The following SLC7A9 variants were observed in gnomAD, a reference collection of about 807,000 sequenced individuals.
The protein encoded by SLC7A9 is solute carrier family 7 member 9, also known as B(0,+)-type amino acid transporter 1.
SLC7A9 carries 38 observed loss-of-function variants against 54.1 expected under a neutral mutation model. The observed-to-expected ratio is 0.70, with a 90% confidence interval of 0.54 to 0.92. The LOEUF (loss-of-function observed/expected upper bound fraction) is 0.92, where lower values mean the gene tolerates loss of function less well. Among genes scored for constraint, SLC7A9 ranks in the 40% least tolerant of loss-of-function variants. The pLI, the probability that SLC7A9 is intolerant of heterozygous loss-of-function variation, is 0.00. For missense variants in SLC7A9, 537 were observed against 636.1 expected (o/e 0.84, Z 1.68); for synonymous variants, 264 against 258.9 (o/e 1.02, Z -0.19).
chr19:32,844,550 G>A (rs1424475211), intron 9 of SLC7A9, among the ~76,000 whole-genome samples: 5 of 151,962 alleles, frequency 3.3e-5, no homozygotes, highest in African/African-American at 4.8e-5. Context: ...TAAAAATTTC[G>A]GCCAGGCACA....
intron 11 of SLC7A9, among the ~76,000 whole-genome samples, chr19:32,840,937 T>C (rs1429350519): frequency 1.3e-5 from 2 of 152,206 alleles, no homozygotes; most frequent in Non-Finnish European, 2.9e-5. Context: ...CTGAAGTGTT[T>C]TCCTTTGGTA....
At chr19:32,837,428 C>T (rs759795010) in intron 11 of SLC7A9, among the ~76,000 whole-genome samples, 10 of 137,180 alleles carry the variant, frequency 7.3e-5, no homozygotes, top group South Asian at 2.3e-4. Context: ...CTGGGAGGCA[C>T]GGTTGCAGTG....
intron 9 of SLC7A9, among the ~76,000 whole-genome samples, chr19:32,855,241 C>A (rs1483814099): frequency 6.6e-6 from 1 of 152,048 alleles, no homozygotes. Context: ...ATTATGGAGT[C>A]CTAATTAGGG....
At chr19:32,869,053 CA>C (rs5827824) in intron 1 of SLC7A9, among the ~76,000 whole-genome samples, 25,107 of 108,646 alleles carry the variant, frequency 0.23, 2,472 homozygotes, top group East Asian at 0.51. Flanking sequence ...ACTAAAAATG[CA>C]AAAAAAAAAA....
chr19:32,863,981 C>T lies in SLC7A9; in HGVS notation c.478+115G>A. The T allele has an allele frequency of 5.2e-6, 8 of 1,540,074 alleles. 1 individual carries two copies. In the South Asian group the frequency reaches 6.8e-5, roughly 13 times the overall value. ...CCACAGGTACTGCAAAGGCTGATGC[C>T]AGGCCCTGCCTGGGCTCTCACCAGA... On this transcript the variant is annotated intron_variant, in intron 4 of 12. Transcript: ENST00000023064.
intron 2 of SLC7A9, among the ~76,000 whole-genome samples, chr19:32,865,128 C>CA (rs1220223493): frequency 6.6e-6 from 1 of 152,110 alleles, no homozygotes; most frequent in African/African-American, 2.4e-5. Flanking sequence ...CCTGTGCCCT[C>CA]AATGAAAAGG....
chr19:32,845,774 G>A (rs906775738), intron 9 of SLC7A9, among the ~76,000 whole-genome samples: 18 of 152,208 alleles, frequency 1.2e-4, no homozygotes, highest in African/African-American at 3.4e-4. Flanking sequence ...TCGGGAGGCC[G>A]AGGCGGGTGG....
At chr19:32,858,991 G>A (rs181910695) in intron 8 of SLC7A9, among the ~76,000 whole-genome samples, 1,664 of 152,018 alleles carry the variant, frequency 0.011, 10 homozygotes, top group Non-Finnish European at 0.018. Flanking sequence ...ATTTCACCAC[G>A]TTGGCCAGGC....
In SLC7A9 at chr19:32,859,871, G is replaced by T; in HGVS notation, c.843C>A (p.Thr281=). Reference sequence around the variant, plus strand: ...CCACCGCCTGGGACTGCAGGAGTTCGGTGGCAGTCATCACGGTGAAGTAGG... The same window carrying T: ...CCACCGCCTGGGACTGCAGGAGTTCTGTGGCAGTCATCACGGTGAAGTAGG... The part of the protein sequence containing the change: ...NVSYFTVMTA[T]ELLQSQAVAV... The change falls in exon 8 of 13, where the codon ACC becomes ACA. Residue 281 remains threonine (T), a synonymous_variant. Transcript: ENST00000023064. 1.2e-6 allele frequency: 2 copies of T among 1,614,136 alleles called. No individual in the cohort carries two copies. The highest frequency in any genetic ancestry group is 1.1e-5 in the South Asian group (1 of 91,082).
At chr19:32,860,999 G>A (rs1160733713) in intron 6 of SLC7A9, among the ~76,000 whole-genome samples, 1 of 152,184 alleles carries the variant, frequency 6.6e-6, no homozygotes, top group African/African-American at 2.4e-5. Context: ...CAGGAGAGAA[G>A]GACCATCGTT....
At chr19:32,867,952 A>G (rs1969023203) in intron 2 of SLC7A9, among the ~76,000 whole-genome samples, 1 of 141,044 alleles carries the variant, frequency 7.1e-6, no homozygotes, top group African/African-American at 2.8e-5. Flanking sequence ...AAAAAAAAAA[A>G]AGAATATGCA....
intron 10 of SLC7A9, 46 bp from the exon 11 acceptor site, chr19:32,842,363 TGTTCTCATGTCAC>T: frequency 6.4e-7 from 1 of 1,571,620 alleles, no homozygotes; most frequent in Non-Finnish European, 8.7e-7. Context: ...TACAAAACAC[TGTTCTCATGTCAC>T]AGAAGACCGA....
Position 32,838,956 on chromosome 19 carries a change from T to C in SLC7A9, c.1224+3212A>G, listed in dbSNP as rs375847007. The stretch of plus-strand genomic sequence containing the variant: ...CATATAATACCCTTAGTTTCTTCTT[T>C]TTTTAGACATTGTGTATAATAAGCA... On this transcript the variant is annotated intron_variant, in intron 11 of 12. Transcript: ENST00000023064. Among the ~76,000 whole-genome samples, 5 of 152,030 alleles carry C rather than the reference T, an allele frequency of 3.3e-5. No individual in the cohort carries two copies. The East Asian group carries it at 7.7e-4, about 23-fold the overall frequency.
chr19:32,849,197 A>G (rs1345911694), intron 9 of SLC7A9, among the ~76,000 whole-genome samples: 1 of 152,200 alleles, frequency 6.6e-6, no homozygotes, highest in Non-Finnish European at 1.5e-5. Context: ...AGCAGAACTG[A>G]AGGAAATAGA....
rs143285077 is a variant in SLC7A9 at position 32,859,902 on chromosome 19, T to C, written c.812A>G (p.Asn271Ser). 106 of 1,614,006 alleles carry C rather than the reference T, an allele frequency of 6.6e-5. No individual in the cohort carries two copies. The highest frequency in any genetic ancestry group is 8.8e-5 in the Non-Finnish European group (104 of 1,180,034). ...AGTCATCACGGTGAAGTAGGACACG[T>C]TCATGAGGATGTAGCACGCCGTCAC... is the stretch of plus-strand genomic sequence containing the variant. The part of the protein sequence containing the change: ...PLVTACYILM[N>S]VSYFTVMTAT... The change falls in exon 8 of 13, where the codon AAC becomes AGC. Residue 271 changes from asparagine (N) to serine (S), a missense_variant. Transcript: ENST00000023064.
chr19:32,850,909 A>C (rs1307048482), intron 9 of SLC7A9, among the ~76,000 whole-genome samples: 3 of 152,198 alleles, frequency 2.0e-5, no homozygotes, highest in Non-Finnish European at 4.4e-5. Context: ...ACCTGACAAA[A>C]ACAAGCAATG....
At position 32,833,280 on chromosome 19, in the gene SLC7A9, AAC is replaced by A. The variant is rs779653925; in HGVS notation, c.1266_1267del (p.Leu424GlyfsTer63). 27 of 1,614,078 alleles carry A rather than the reference AAC, an allele frequency of 1.7e-5. No individual in the cohort carries two copies. The highest frequency in any genetic ancestry group is 1.0e-4 in the Admixed American group (6 of 60,000). The stretch of plus-strand genomic sequence containing the variant: ...GCTGATGATTGGAGCCAGAACCAAA[AAC>A]ACAGAGATGAGTGTCATCAAGACGG... On this transcript the variant is annotated frameshift_variant, in exon 12 of 13. Coordinates refer to ENST00000023064, the MANE Select transcript of SLC7A9 (RefSeq NM_014270.5). LOFTEE classifies it high-confidence loss of function.
intron 11 of SLC7A9, among the ~76,000 whole-genome samples, chr19:32,834,871 A>T (rs1279543019): frequency 1.3e-5 from 2 of 151,920 alleles, no homozygotes; most frequent in African/African-American, 4.8e-5. Flanking sequence ...GCTCACTGCA[A>T]CCTCTGCCTC....
intron 2 of SLC7A9, among the ~76,000 whole-genome samples, chr19:32,867,211 G>A (rs559030517): frequency 2.6e-5 from 4 of 152,280 alleles, no homozygotes; most frequent in South Asian, 2.1e-4. Flanking sequence ...CCATCAGAAC[G>A]CCCTCTCTGG....
Sources: allele counts gnomAD v4.1 joint callset (sites outside exome capture counted in the v4.1 genomes callset), GRCh38; gene constraint gnomAD v4.1.1; transcripts MANE v1.5; gene names NCBI Gene and HGNC (gene_info 2026-07-23, HGNC 2026-07-21).